The following HMGN5 variants were observed in gnomAD, a reference collection of about 807,000 sequenced individuals.
The protein encoded by HMGN5 is high mobility group nucleosome-binding domain-containing protein 5.
HMGN5 carries 4 observed loss-of-function variants against 9.5 expected under a neutral mutation model. The observed-to-expected ratio is 0.42, with a 90% CI of 0.21 to 0.96. The LOEUF (loss-of-function observed/expected upper bound fraction) is 0.96. Among genes scored for constraint, HMGN5 ranks in the 40% least tolerant of loss-of-function variants. HMGN5 has a pLI of 0.30. For synonymous variants in HMGN5, 55 were observed against 57.1 expected (o/e 0.96, Z 0.16); for missense variants, 192 against 187.5 (o/e 1.02, Z -0.14).
intron 1 of HMGN5, among the ~76,000 whole-genome samples, chrX:81,147,832 C>A (rs2075349567): frequency 1.8e-5 from 2 of 111,498 alleles, no homozygotes; most frequent in African/African-American, 6.5e-5. Context: ...TTCCTATACA[C>A]CAATAACAGA....
At chrX:81,138,764 A>G (rs1016483200) in intron 1 of HMGN5, among the ~76,000 whole-genome samples, 2 of 112,034 alleles carry the variant, frequency 1.8e-5, no homozygotes, top group Non-Finnish European at 3.8e-5. Context: ...AACCTCTAGA[A>G]CTAATAAGTG....
intron 1 of HMGN5, among the ~76,000 whole-genome samples, chrX:81,137,499 C>A (rs1326132018): frequency 9.0e-6 from 1 of 111,242 alleles, no homozygotes; most frequent in East Asian, 2.8e-4. Context: ...GAGAAAGTCT[C>A]TAAGGAAAAT....
At chrX:81,121,255 C>A (rs1212992845) in intron 2 of HMGN5, among the ~76,000 whole-genome samples, 2 of 109,509 alleles carry the variant, frequency 1.8e-5, no homozygotes, top group Admixed American at 9.7e-5. Context: ...GAAGCGACAG[C>A]CCAGCGCTAT....
chrX:81,197,755 T>G (rs1780243231), intron 1 of HMGN5: 1 of 109,425 alleles, frequency 9.1e-6, no homozygotes, highest in Non-Finnish European at 1.9e-5. Flanking sequence ...CAGTGTCCAC[T>G]TGAGAAGGGA....
At chrX:81,123,908 A>G (rs749442419) in intron 1 of HMGN5, among the ~76,000 whole-genome samples, 11 of 112,090 alleles carry the variant, frequency 9.8e-5, no homozygotes, top group Admixed American at 2.8e-4. Context: ...TTGCCTGTGA[A>G]CAGTTCGGTA....
At chrX:81,174,466 T>C (rs2075435648) in intron 1 of HMGN5, among the ~76,000 whole-genome samples, 1 of 111,478 alleles carries the variant, frequency 9.0e-6, no homozygotes, top group Admixed American at 9.5e-5. Flanking sequence ...ATTCAGTAAA[T>C]ATTTTTTGAG....
chrX:81,179,665 A>C (rs5959833), intron 1 of HMGN5, among the ~76,000 whole-genome samples: 2,275 of 111,642 alleles, frequency 0.02, 49 homozygotes, highest in African/African-American at 0.07. Flanking sequence ...CCCCATCAAG[A>C]TACCAATGAC....
intron 1 of HMGN5, among the ~76,000 whole-genome samples, chrX:81,128,878 G>C (rs1045297728): frequency 1.8e-5 from 2 of 111,727 alleles, no homozygotes; most frequent in African/African-American, 6.5e-5. Context: ...ATTAATTTTT[G>C]CTTTGTTTAC....
intron 1 of HMGN5, among the ~76,000 whole-genome samples, chrX:81,176,410 C>T (rs191744417): frequency 6.3e-5 from 7 of 111,441 alleles, no homozygotes; most frequent in South Asian, 3.8e-4. Context: ...TCACCAGCAA[C>T]GGAGCAAAGC....
At chrX:81,145,459 A>G (rs775387605) in intron 1 of HMGN5, among the ~76,000 whole-genome samples, 4 of 111,904 alleles carry the variant, frequency 3.6e-5, no homozygotes, top group Admixed American at 9.5e-5. Flanking sequence ...ATGCTGAGAT[A>G]TTGTCACCAC....
Position 81,115,087 on chromosome X carries a change from TTGATCTTCTTCATCTTCTTTC to T in HMGN5, c.390_410del (p.Lys131_Gln137del). 1.7e-6 allele frequency: 2 copies of T among 1,161,032 alleles called. No homozygotes were observed. Among genetic ancestry groups the T allele is most frequent in the Non-Finnish European group, 2.3e-6 (2 of 870,804 alleles). ...TTCCAGCTTCCCCTTTCTCTTCGTT[TTGATCTTCTTCATCTTCTTTC>T]TGATCTTCTTCTTCATTTTTTACTT... On this transcript the variant is annotated inframe_deletion, in exon 7 of 7. Transcript: ENST00000358130.
chrX:81,201,025 T>C (rs1403213039), intron 1 of HMGN5, among the ~76,000 whole-genome samples: 30 of 110,766 alleles, frequency 2.7e-4, no homozygotes, highest in Non-Finnish European at 9.4e-5. Context: ...AGAGATTAAT[T>C]TGGAATTAGT....
At chrX:81,191,228 T>C (rs2075493374) in intron 1 of HMGN5, among the ~76,000 whole-genome samples, 2 of 111,934 alleles carry the variant, frequency 1.8e-5, no homozygotes, top group Non-Finnish European at 3.8e-5. Flanking sequence ...ATTGGTTACA[T>C]TTAAATTTAT....
At chrX:81,183,286 G>GA (rs369756362) in intron 1 of HMGN5, among the ~76,000 whole-genome samples, 63 of 108,798 alleles carry the variant, frequency 5.8e-4, no homozygotes, top group South Asian at 2.7e-3. Context: ...CCAAGACAAT[G>GA]AAAAAAAAAA....
intron 1 of HMGN5, among the ~76,000 whole-genome samples, chrX:81,134,594 T>A (rs1199478569): frequency 9.0e-6 from 1 of 110,685 alleles, no homozygotes; most frequent in Non-Finnish European, 1.9e-5. Flanking sequence ...CCCAACTCCC[T>A]CCCCCAATGT....
chrX:81,159,443 A>G (rs965792589), intron 1 of HMGN5, among the ~76,000 whole-genome samples: 2 of 111,545 alleles, frequency 1.8e-5, no homozygotes, highest in Non-Finnish European at 3.8e-5. Context: ...CTGTCAGCTC[A>G]TCTCTATCAA....
chrX:81,189,434 T>C (rs1356045829), intron 1 of HMGN5, among the ~76,000 whole-genome samples: 1 of 112,268 alleles, frequency 8.9e-6, no homozygotes, highest in East Asian at 2.8e-4. Flanking sequence ...TTTTACTGTA[T>C]CCATAGTTTT....
In HMGN5 at chrX:81,114,752, G is replaced by C; in HGVS notation, c.746C>G (p.Ala249Gly). The change falls in exon 7 of 7, where the codon GCT becomes GGT. Residue 249 changes from alanine to glycine, a missense_variant. Ala to Gly is a moderately conservative substitution (Grantham distance 60). Transcript: ENST00000358130. ...TTTTAAATCTTCTTTCTCTTTTCCA[G>C]CTTCTTCCTCATTTCCACCTTCATC... Reference protein sequence around the residue: ...KEDEGGNEEEAGKEKEDLKEE... With the variant: ...KEDEGGNEEEGGKEKEDLKEE... 8.7e-7 allele frequency: 1 copy of C among 1,155,235 alleles called. No individual in the cohort carries two copies.
intron 1 of HMGN5, among the ~76,000 whole-genome samples, chrX:81,156,147 A>G (rs2075382354): frequency 8.9e-6 from 1 of 112,119 alleles, no homozygotes; most frequent in South Asian, 3.7e-4. Context: ...CTGTTCTCCA[A>G]AATACTCAAT....
Sources: gnomAD v4.1 joint callset for allele counts (sites outside exome capture counted in the v4.1 genomes callset) on GRCh38, gnomAD v4.1.1 for gene constraint, MANE v1.5 for transcripts, NCBI Gene and HGNC (gene_info 2026-07-23, HGNC 2026-07-21) for gene names.